Variants in PCDHGA7 observed in about 807,000 individuals in gnomAD.
PCDHGA7 encodes the protein protocadherin gamma-A7.
In PCDHGA7, 44 loss-of-function variants were observed where a neutral mutation model predicts 58.3. That is an observed-to-expected ratio of 0.75 (90% CI 0.59 to 0.97). The LOEUF (loss-of-function observed/expected upper bound fraction) is 0.97. PCDHGA7 is among the 50% of genes least tolerant of loss of function. PCDHGA7 has a pLI of 0.00. For missense variants in PCDHGA7, 1,266 were observed against 1,188.7 expected, an observed-to-expected ratio of 1.06 and a Z score of -0.96; for synonymous variants, 516 against 504.2, an observed-to-expected ratio of 1.02 and a Z score of -0.31.
chr5:141,476,205 C>G lies in PCDHGA7; in HGVS notation c.2425-18602C>G. ...CTGCTTGGTGCCTTGAACAAGGCTT[C>G]CACGGTCATTCACTATGAGATCCCG... On this transcript the variant is annotated intron_variant, in intron 1 of 3. Transcript: ENST00000518325. The surrounding 1 kb of genome is among the most constrained non-coding windows in gnomAD (Gnocchi z 7.6). 1 of 1,613,892 alleles carries G rather than the reference C, an allele frequency of 6.2e-7. No homozygotes were observed. Among genetic ancestry groups the G allele is most frequent in the Non-Finnish European group, 8.5e-7 (1 of 1,180,012 alleles).
chr5:141,425,486 C>T (rs2096878743), intron 1 of PCDHGA7, among the ~76,000 whole-genome samples: 1 of 152,236 alleles, frequency 6.6e-6, no homozygotes, highest in African/African-American at 2.4e-5. Context: ...TGGCAACCTA[C>T]TAGGCTATAC....
chr5:141,463,480 G>A (rs964539275), intron 1 of PCDHGA7, among the ~76,000 whole-genome samples: 3 of 114,320 alleles, frequency 2.6e-5, no homozygotes, highest in African/African-American at 1.1e-4. Context: ...ATGGAGTCTC[G>A]CTCTGTCACC....
At position 141,384,928 on chromosome 5, in the gene PCDHGA7, A is replaced by G. The variant is rs1780667479; in HGVS notation, c.2029A>G (p.Ser677Gly). 1.9e-6 allele frequency: 3 copies of G among 1,614,014 alleles called. No individual in the cohort carries two copies. Among genetic ancestry groups the G allele is most frequent in the Non-Finnish European group, 2.5e-6 (3 of 1,180,018 alleles). ...SIPEVLADLGSLEPSDGPYNY... is the reference protein window; with the variant it reads ...SIPEVLADLGGLEPSDGPYNY... ...CCCCGAAGTCTTGGCCGACCTGGGCAGCCTTGAGCCCTCCGACGGTCCTTA... is the reference window on the plus strand; with the variant it reads ...CCCCGAAGTCTTGGCCGACCTGGGCGGCCTTGAGCCCTCCGACGGTCCTTA... The change falls in exon 1 of 4, where the codon AGC becomes GGC. Residue 677 changes from serine to glycine, a missense_variant. By Grantham distance (56) the Ser-to-Gly change is moderately conservative. Coordinates refer to ENST00000518325, the MANE Select transcript of PCDHGA7 (RefSeq NM_018920.4).
At chr5:141,418,667 G>A (rs1561775322) in intron 1 of PCDHGA7, 1 of 1,614,036 alleles carries the variant, frequency 6.2e-7, no homozygotes, top group Admixed American at 1.7e-5. Flanking sequence ...CACTGACCAG[G>A]ACGAGGGCAT....
intron 1 of PCDHGA7, among the ~76,000 whole-genome samples, chr5:141,459,724 T>C (rs1440632046): frequency 6.6e-6 from 1 of 152,250 alleles, no homozygotes; most frequent in Non-Finnish European, 1.5e-5. Context: ...TGCTTCCTAT[T>C]GTCAATTTTT....
chr5:141,444,406 G>A (rs1296878411), intron 1 of PCDHGA7, among the ~76,000 whole-genome samples: 1 of 151,874 alleles, frequency 6.6e-6, no homozygotes, highest in Non-Finnish European at 1.5e-5. Context: ...CCCAACCTCA[G>A]GTGATCTTCC....
At chr5:141,393,275 C>T (rs769641711) in intron 1 of PCDHGA7, 4 of 1,613,828 alleles carry the variant, frequency 2.5e-6, no homozygotes, top group East Asian at 4.5e-5. Context: ...GTTATCCACT[C>T]CCAGAAGCTG....
chr5:141,486,137 G>A lies in PCDHGA7; in HGVS notation c.2425-8670G>A, dbSNP rs1187526031. 1 of 1,614,074 alleles carries A rather than the reference G, an allele frequency of 6.2e-7. No individual in the cohort carries two copies. On this transcript the variant is annotated intron_variant, in intron 1 of 3. Coordinates refer to ENST00000518325, the MANE Select transcript of PCDHGA7 (RefSeq NM_018920.4). The surrounding 1 kb of genome is among the most constrained non-coding windows in gnomAD (Gnocchi z 5.0). ...GAATTACTATGAATTTGATGTGCGGGCTCGCGATGGGGGTTCTCCAGCCAT... is the reference window on the plus strand; with the variant it reads ...GAATTACTATGAATTTGATGTGCGGACTCGCGATGGGGGTTCTCCAGCCAT...
At chr5:141,447,988 A>C (rs1234413003) in intron 1 of PCDHGA7, among the ~76,000 whole-genome samples, 1 of 152,018 alleles carries the variant, frequency 6.6e-6, no homozygotes, top group Non-Finnish European at 1.5e-5. Flanking sequence ...CGGGAGGCTG[A>C]GGCATGAGAA....
intron 1 of PCDHGA7, chr5:141,423,625 A>G (rs375112361): frequency 1.6e-5 from 25 of 1,606,754 alleles, no homozygotes; most frequent in Admixed American, 6.8e-5. Flanking sequence ...AGACTCAGCT[A>G]TCATTTTAGG....
intron 1 of PCDHGA7, among the ~76,000 whole-genome samples, chr5:141,443,537 T>C (rs986467958): frequency 6.6e-6 from 1 of 152,180 alleles, no homozygotes; most frequent in African/African-American, 2.4e-5. Flanking sequence ...ATTTAAAGCT[T>C]GGGAAATTGT....
At chr5:141,507,432 C>T (rs2099860585) in intron 3 of PCDHGA7, 1 of 152,198 alleles carries the variant, frequency 6.6e-6, no homozygotes. Flanking sequence ...GGGGCCAGGC[C>T]TACAGCTGAC....
intron 1 of PCDHGA7, chr5:141,424,465 A>G (rs564844819): frequency 1.3e-5 from 2 of 152,146 alleles, no homozygotes; most frequent in Admixed American, 6.5e-5. Context: ...ATTTCCTTTT[A>G]TTCTTTTACT....
intron 1 of PCDHGA7, among the ~76,000 whole-genome samples, chr5:141,438,702 C>A (rs1217378337): frequency 5.7e-5 from 8 of 140,876 alleles, no homozygotes; most frequent in Non-Finnish European, 4.6e-5. Flanking sequence ...GCTCTGTCAC[C>A]CAGGCTGGAG....
intron 1 of PCDHGA7, among the ~76,000 whole-genome samples, chr5:141,386,999 C>T (rs2090777000): frequency 6.6e-6 from 1 of 152,224 alleles, no homozygotes; most frequent in Middle Eastern, 3.4e-3. Context: ...GTATTATCCC[C>T]CTGATAACTT....
intron 1 of PCDHGA7, among the ~76,000 whole-genome samples, chr5:141,470,528 G>A (rs1446688992): frequency 6.6e-6 from 1 of 152,140 alleles, no homozygotes; most frequent in East Asian, 1.9e-4. Context: ...ATTAAAATAT[G>A]TATCAGGTAA....
intron 1 of PCDHGA7, among the ~76,000 whole-genome samples, chr5:141,460,983 G>GTA (rs59296681): frequency 9.4e-4 from 130 of 137,840 alleles, no homozygotes; most frequent in Middle Eastern, 3.8e-3. Context: ...GTGTGTGTGT[G>GTA]TATATATATA....
At chr5:141,428,114 C>CG in intron 1 of PCDHGA7, 2 of 1,607,202 alleles carry the variant, frequency 1.2e-6, no homozygotes, top group Non-Finnish European at 1.7e-6. Flanking sequence ...TGCAGGCCAT[C>CG]GAGCCCGGGC....
At chr5:141,433,040 A>G in intron 1 of PCDHGA7, 1 of 1,614,086 alleles carries the variant, frequency 6.2e-7, no homozygotes, top group Non-Finnish European at 8.5e-7. Flanking sequence ...TTCCCTCACC[A>G]CGGACTCGCG....
Sources: gnomAD v4.1 joint callset for allele counts (sites outside exome capture counted in the v4.1 genomes callset) on GRCh38, gnomAD v4.1.1 for gene constraint, Gnocchi (gnomAD v3.1) non-coding constraint, MANE v1.5 for transcripts, NCBI Gene and HGNC (gene_info 2026-07-23, HGNC 2026-07-21) for gene names.